CCDC69: variants seen among roughly 807,000 people sequenced by gnomAD.
CCDC69 encodes the protein coiled-coil domain containing 69.
In CCDC69, 38 loss-of-function variants were observed where a neutral mutation model predicts 40.3. The ratio of observed to expected loss-of-function variants is 0.94; its 90% CI spans 0.73 to 1.24. The LOEUF is 1.24. Ranked by LOEUF, CCDC69 falls within the 50% of genes most tolerant of loss-of-function variation. The pLI, the probability that CCDC69 is intolerant of heterozygous loss-of-function variation, is 0.00. For synonymous variants in CCDC69, 141 were observed against 138.9 expected, an observed-to-expected ratio of 1.02 and a Z score of -0.11; for missense variants, 389 against 357.9, an observed-to-expected ratio of 1.09 and a Z score of -0.70.
chr5:151,203,720 TA>T (rs1368221350), intron 2 of CCDC69, among the ~76,000 whole-genome samples: 1 of 138,060 alleles, frequency 7.2e-6, no homozygotes, highest in Non-Finnish European at 1.5e-5. Context: ...TATATACTAA[TA>T]AAATCTATAT....
At chr5:151,193,624 G>A (rs1167357942) in intron 4 of CCDC69, among the ~76,000 whole-genome samples, 1 of 152,090 alleles carries the variant, frequency 6.6e-6, no homozygotes, top group Non-Finnish European at 1.5e-5. Context: ...ATGGATCTTA[G>A]ATCTAAATAT....
chr5:151,196,526 A>G (rs1752702717), intron 4 of CCDC69, among the ~76,000 whole-genome samples: 1 of 152,168 alleles, frequency 6.6e-6, no homozygotes, highest in Non-Finnish European at 1.5e-5. Flanking sequence ...GAAAGGAAAA[A>G]TCAGTAAAGC....
intron 7 of CCDC69, 114 bp from the exon 8 acceptor site, chr5:151,184,555 G>T: frequency 1.6e-6 from 1 of 638,534 alleles, no homozygotes. Context: ...TAGACTAGAT[G>T]TTACATTTCA....
chr5:151,216,383 T>A (rs1753040449), intron 1 of CCDC69, among the ~76,000 whole-genome samples: 1 of 126,754 alleles, frequency 7.9e-6, no homozygotes. Context: ...GCTTCCATTT[T>A]ACATTTTACC....
chr5:151,191,118 A>G (rs1752605874), intron 4 of CCDC69, among the ~76,000 whole-genome samples: 1 of 152,060 alleles, frequency 6.6e-6, no homozygotes, highest in Non-Finnish European at 1.5e-5. Flanking sequence ...ACCACCCACC[A>G]ACTAACTACG....
chr5:151,207,691 G>A (rs1752872165), intron 1 of CCDC69, among the ~76,000 whole-genome samples: 1 of 152,154 alleles, frequency 6.6e-6, no homozygotes, highest in Non-Finnish European at 1.5e-5. Flanking sequence ...TCCAGGAAAG[G>A]AGAACTGACG....
chr5:151,213,945 C>A (rs1229775319), intron 1 of CCDC69, among the ~76,000 whole-genome samples: 1 of 152,134 alleles, frequency 6.6e-6, no homozygotes, highest in Non-Finnish European at 1.5e-5. Flanking sequence ...CTTACGGGAA[C>A]CCAGAGCAGG....
intron 1 of CCDC69, among the ~76,000 whole-genome samples, chr5:151,223,332 C>T (rs1263771196): frequency 1.3e-5 from 2 of 152,224 alleles, no homozygotes; most frequent in African/African-American, 4.8e-5. Flanking sequence ...CAAGGGCAGC[C>T]CACACTCACC....
chr5:151,191,598 C>A lies in CCDC69; in HGVS notation c.320-4139G>T, dbSNP rs1752612208. 2.6e-5 allele frequency among the ~76,000 whole-genome samples: 4 copies of A among 152,190 alleles called. No individual in the cohort carries two copies. The South Asian group carries it at 8.3e-4, about 32-fold the overall frequency. ...AAATCTCCCAACACTTGGAAATGCA[C>A]TTCCACATATTCAATGCCAGAGAGG... On this transcript the variant is annotated intron_variant, in intron 4 of 8. Transcript: ENST00000355417.
chr5:151,201,563 T>G lies in CCDC69; in HGVS notation c.231+19A>C. 6.5e-7 allele frequency: 1 copy of G among 1,530,638 alleles called. No homozygotes were observed. The highest frequency in any genetic ancestry group is 1.8e-4 in the Middle Eastern group (1 of 5,564). The allele number at this position is 1,530,638 out of a possible 1,614,324, so 94.8% of individuals were successfully genotyped here. A position where few individuals can be genotyped will look rare whatever the true frequency, so the allele number is the denominator to read the frequency against. On this transcript the variant is annotated intron_variant, in intron 3 of 8. Transcript: ENST00000355417. ...AGCTGAGCAGGAGAAAGACAGGGGG[T>G]GGGGGCACCTGGACTTACCTGTTGT...
chr5:151,182,976 C>A lies in CCDC69; in HGVS notation c.*461G>T. 1 of 452,378 alleles carries A rather than the reference C, an allele frequency of 2.2e-6. No homozygotes were observed. Among genetic ancestry groups the A allele is most frequent in the Admixed American group, 2.4e-5 (1 of 42,294 alleles). The allele number at this position is 452,378 out of a possible 1,614,324, so 28.0% of individuals were successfully genotyped here. A position where few individuals can be genotyped will look rare whatever the true frequency, so the allele number is the denominator to read the frequency against. On this transcript the variant is annotated 3_prime_UTR_variant, in exon 9 of 9. Transcript: ENST00000355417. The stretch of plus-strand genomic sequence containing the variant: ...AGAGTCCTTTGACCAGTCCCCCCAC[C>A]ATTTTAATGCAGGGGTAAACTGAGG...
At chr5:151,205,515 T>A (rs1212769572) in intron 1 of CCDC69, 40 bp from the exon 2 acceptor site, 4 of 1,573,402 alleles carry the variant, frequency 2.5e-6, no homozygotes, top group Middle Eastern at 3.3e-4. Flanking sequence ...GGGTAGAGGG[T>A]GGGAGGTCAA....
chr5:151,200,714 A>G (rs368594642), intron 3 of CCDC69, among the ~76,000 whole-genome samples: 48 of 152,282 alleles, frequency 3.2e-4, no homozygotes, highest in African/African-American at 1.1e-3. Context: ...ATTGTTCCCC[A>G]GTCTTTCCTC....
At chr5:151,196,935 A>G (rs1044681906) in intron 4 of CCDC69, among the ~76,000 whole-genome samples, 4 of 152,262 alleles carry the variant, frequency 2.6e-5, no homozygotes, top group African/African-American at 4.8e-5. Flanking sequence ...CACTATTTAC[A>G]GTGGCTAAAT....
At chr5:151,218,300 C>T (rs553521306) in intron 1 of CCDC69, among the ~76,000 whole-genome samples, 2 of 152,316 alleles carry the variant, frequency 1.3e-5, no homozygotes, top group African/African-American at 4.8e-5. Context: ...AGCTCCCTCC[C>T]CACTGCCAGT....
intron 1 of CCDC69, among the ~76,000 whole-genome samples, chr5:151,218,696 T>G (rs1428574028): frequency 1.3e-5 from 2 of 152,090 alleles, no homozygotes; most frequent in African/African-American, 4.8e-5. Context: ...TGCAATTAAT[T>G]TAAAATTTCA....
intron 8 of CCDC69, 104 bp downstream of exon 8, chr5:151,184,240 G>T: frequency 1.2e-6 from 1 of 827,058 alleles, no homozygotes; most frequent in Non-Finnish European, 2.0e-6. Context: ...TAGGCCCTGG[G>T]CCCACCTGTC....
At chr5:151,185,975 C>A (rs778730083) in intron 6 of CCDC69, 48 bp downstream of exon 6, 1 of 1,340,194 alleles carries the variant, frequency 7.5e-7, no homozygotes, top group Non-Finnish European at 1.1e-6. Flanking sequence ...CGGCCCTGAC[C>A]TCCCTGGAGA....
At chr5:151,223,501 G>A (rs1420910293) in intron 1 of CCDC69, among the ~76,000 whole-genome samples, 1 of 152,266 alleles carries the variant, frequency 6.6e-6, no homozygotes, top group Non-Finnish European at 1.5e-5. Flanking sequence ...GATACTGCGA[G>A]TCTGTGGAAC....
Sources: allele counts gnomAD v4.1 joint callset (sites outside exome capture counted in the v4.1 genomes callset), GRCh38; gene constraint gnomAD v4.1.1; transcripts MANE v1.5; gene names NCBI Gene and HGNC (gene_info 2026-07-23, HGNC 2026-07-21).